The following FHIT variants were observed in gnomAD, a reference collection of about 807,000 sequenced individuals.
FHIT encodes the protein bis(5'-adenosyl)-triphosphatase.
Under a neutral mutation model 17.9 loss-of-function variants are expected in FHIT, and 19 were observed. The ratio of observed to expected loss-of-function variants is 1.06; its 90% CI spans 0.74 to 1.56. FHIT has a LOEUF of 1.56. FHIT is among the 40% of genes most tolerant of loss of function. The probability of loss-of-function intolerance (pLI) is 0.00; values close to 1 mark genes in which losing one functional copy is unlikely to be tolerated. For missense variants in FHIT, 248 were observed against 189.2 expected (o/e 1.31, Z -1.82); for synonymous variants, 81 against 69.7 (o/e 1.16, Z -0.81).
chr3:60,081,960 A>T (rs1020930477), intron 5 of FHIT, among the ~76,000 whole-genome samples: 7 of 151,076 alleles, frequency 4.6e-5, no homozygotes, highest in South Asian at 2.1e-4. Flanking sequence ...TTGTCTACTT[A>T]TCTGTTTTTG....
At chr3:59,879,242 C>G (rs1703298433) in intron 8 of FHIT, among the ~76,000 whole-genome samples, 1 of 152,142 alleles carries the variant, frequency 6.6e-6, no homozygotes, top group Admixed American at 6.5e-5. Flanking sequence ...TGAAAAATGA[C>G]AAATTTGCCA....
At chr3:60,950,443 T>C (rs1486668760) in intron 3 of FHIT, among the ~76,000 whole-genome samples, 2 of 151,988 alleles carry the variant, frequency 1.3e-5, no homozygotes. Flanking sequence ...TTCTATAAAA[T>C]AAAATATTAA....
intron 5 of FHIT, among the ~76,000 whole-genome samples, chr3:60,131,591 C>G (rs537857761): frequency 1.6e-4 from 24 of 152,232 alleles, no homozygotes; most frequent in Middle Eastern, 3.4e-3. Flanking sequence ...GCCTTTCCCC[C>G]CAGTTCTCCC....
At chr3:61,014,151 G>T (rs1431324647) in intron 3 of FHIT, among the ~76,000 whole-genome samples, 11 of 152,186 alleles carry the variant, frequency 7.2e-5, no homozygotes, top group Non-Finnish European at 1.5e-5. Context: ...CTCCAGCTGT[G>T]GGAATTTGTG....
chr3:60,323,135 T>C (rs1709508506), intron 5 of FHIT, among the ~76,000 whole-genome samples: 1 of 152,062 alleles, frequency 6.6e-6, no homozygotes, highest in Non-Finnish European at 1.5e-5. Context: ...TAAAACCAAA[T>C]TGTTAAGGCC....
At chr3:60,509,176 T>C (rs1443604607) in intron 5 of FHIT, among the ~76,000 whole-genome samples, 2 of 152,156 alleles carry the variant, frequency 1.3e-5, no homozygotes, top group East Asian at 3.9e-4. Context: ...GGAATGTGAC[T>C]CTTGGCGATT....
chr3:60,009,837 A>G (rs986405211), intron 7 of FHIT, among the ~76,000 whole-genome samples: 3 of 152,136 alleles, frequency 2.0e-5, no homozygotes, highest in Admixed American at 2.0e-4. Context: ...TCTACTTTCT[A>G]TCTCTATTCA....
intron 8 of FHIT, among the ~76,000 whole-genome samples, chr3:59,853,286 C>G (rs1357128795): frequency 6.6e-6 from 1 of 152,138 alleles, no homozygotes; most frequent in Non-Finnish European, 1.5e-5. Context: ...CTATTATGAT[C>G]TTCATTTTAC....
chr3:60,946,555 T>G (rs1413472434), intron 3 of FHIT, among the ~76,000 whole-genome samples: 1 of 152,142 alleles, frequency 6.6e-6, no homozygotes, highest in Non-Finnish European at 1.5e-5. Context: ...CAGGTATGAG[T>G]ATTCTCTGTG....
At chr3:60,903,686 T>C (rs973140211) in intron 3 of FHIT, among the ~76,000 whole-genome samples, 18 of 152,360 alleles carry the variant, frequency 1.2e-4, no homozygotes, top group South Asian at 4.1e-4. Context: ...AGTTGCACTA[T>C]ATCTCTAAAC....
chr3:61,080,281 T>C (rs1358850117), intron 2 of FHIT, among the ~76,000 whole-genome samples: 2 of 152,190 alleles, frequency 1.3e-5, no homozygotes, highest in African/African-American at 2.4e-5. Context: ...CCATTCAAGT[T>C]GTCATTTAGA....
At chr3:60,030,811 G>A (rs1171320310) in intron 5 of FHIT, among the ~76,000 whole-genome samples, 2 of 151,986 alleles carry the variant, frequency 1.3e-5, no homozygotes, top group East Asian at 1.9e-4. Context: ...TAGAACGAAT[G>A]ACTGTTGAAT....
chr3:60,970,056 TG>T (rs1559876091), intron 3 of FHIT, among the ~76,000 whole-genome samples: 1 of 152,136 alleles, frequency 6.6e-6, no homozygotes, highest in East Asian at 1.9e-4. Flanking sequence ...ACTCCTACAC[TG>T]AAGCGATCTG....
At chr3:60,100,242 G>A (rs145041492) in intron 5 of FHIT, among the ~76,000 whole-genome samples, 1 of 152,086 alleles carries the variant, frequency 6.6e-6, no homozygotes. Flanking sequence ...AAATTAGCCA[G>A]GCATGGTGGT....
intron 4 of FHIT, among the ~76,000 whole-genome samples, chr3:60,605,975 G>A (rs560668682): frequency 6.6e-6 from 1 of 152,182 alleles, no homozygotes; most frequent in Non-Finnish European, 1.5e-5. Flanking sequence ...TCAAAGAGAA[G>A]CTGATCATAG....
intron 7 of FHIT, among the ~76,000 whole-genome samples, chr3:59,940,937 C>T (rs535873297): frequency 2.4e-4 from 36 of 152,144 alleles, no homozygotes; most frequent in Admixed American, 7.9e-4. Flanking sequence ...TAAACAGTTC[C>T]GGTCCTATCT....
At chr3:59,983,609 C>T (rs928019335) in intron 7 of FHIT, among the ~76,000 whole-genome samples, 46 of 152,032 alleles carry the variant, frequency 3.0e-4, no homozygotes, top group Non-Finnish European at 1.9e-4. Context: ...TTTAGGCATC[C>T]GCTGGGGTCT....
chr3:60,918,880 A>G (rs9871813), intron 3 of FHIT, among the ~76,000 whole-genome samples: 1,657 of 152,306 alleles, frequency 0.011, 25 homozygotes, highest in African/African-American at 0.037. Flanking sequence ...GCATTATTTT[A>G]CTTTTTATTT....
At chr3:60,265,395 C>T (rs1294479746) in intron 5 of FHIT, among the ~76,000 whole-genome samples, 2 of 151,932 alleles carry the variant, frequency 1.3e-5, no homozygotes, top group Admixed American at 6.6e-5. Flanking sequence ...AAGGCTCCTA[C>T]TTCATAGAAT....
Sources: gnomAD v4.1 joint callset for allele counts (sites outside exome capture counted in the v4.1 genomes callset) on GRCh38, gnomAD v4.1.1 for gene constraint, MANE v1.5 for transcripts, NCBI Gene and HGNC (gene_info 2026-07-23, HGNC 2026-07-21) for gene names.